Variants in VGLL3 observed in about 807,000 individuals in gnomAD.
The protein encoded by VGLL3 is transcription cofactor vestigial-like protein 3.
VGLL3 carries 18 observed loss-of-function variants against 29.2 expected under a neutral mutation model. That is an observed-to-expected ratio of 0.62 (90% CI 0.43 to 0.91). The LOEUF (loss-of-function observed/expected upper bound fraction) is 0.91. Among genes scored for constraint, VGLL3 ranks in the 40% least tolerant of loss-of-function variants. The probability of loss-of-function intolerance (pLI) is 0.00; values close to 1 mark genes in which losing one functional copy is unlikely to be tolerated. For missense variants in VGLL3, 440 were observed against 413.2 expected, an observed-to-expected ratio of 1.06 and a Z score of -0.56; for synonymous variants, 180 against 151.8, an observed-to-expected ratio of 1.19 and a Z score of -1.36.
In VGLL3 at chr3:86,940,884, G is replaced by A. The variant is rs1424914447; in HGVS notation, c.*6140C>T. 1 of 152,178 alleles carries A rather than the reference G, an allele frequency of 6.6e-6. No individual in the cohort carries two copies. Among genetic ancestry groups the A allele is most frequent in the Non-Finnish European group, 1.5e-5 (1 of 67,860 alleles). 9.4% of individuals were successfully genotyped at this position (152,178 alleles called of 1,614,324 possible). A position where few individuals can be genotyped will look rare whatever the true frequency, so the allele number is the denominator to read the frequency against. On this transcript the variant is annotated 3_prime_UTR_variant, in exon 4 of 4. Coordinates refer to ENST00000398399, the MANE Select transcript of VGLL3 (RefSeq NM_016206.4). ...TAGTTAAAAATGACAGCATAACTAA[G>A]GTTAATTTTTATTTCTGGAAACACA...
intron 2 of VGLL3, among the ~76,000 whole-genome samples, chr3:86,972,488 G>GA (rs1435437795): frequency 6.6e-6 from 1 of 151,846 alleles, no homozygotes; most frequent in Non-Finnish European, 1.5e-5. Flanking sequence ...GCTTGTTTAA[G>GA]AAAAAAAAGT....
At chr3:86,988,393 A>G (rs13066793) in intron 1 of VGLL3, among the ~76,000 whole-genome samples, 10,879 of 151,808 alleles carry the variant, frequency 0.072, 462 homozygotes, top group Non-Finnish European at 0.091. Context: ...TGCAAAAACA[A>G]CCAAAATATG....
chr3:86,946,949 G>C lies in VGLL3; in HGVS notation c.*75C>G, dbSNP rs1704520255. The stretch of plus-strand genomic sequence containing the variant: ...GCCTTTCGTGTCCTATTGCTGAATG[G>C]AAAAACCCGACAGTATCTTTTCCCA... On this transcript the variant is annotated 3_prime_UTR_variant, in exon 4 of 4. Transcript: ENST00000398399. The C allele has an allele frequency of 3.9e-6, 3 of 766,168 alleles. No homozygotes were observed. The highest frequency in any genetic ancestry group is 1.7e-5 in the African/African-American group (1 of 58,710). The allele number at this position is 766,168 out of a possible 1,614,324, so 47.5% of individuals were successfully genotyped here. A position where few individuals can be genotyped will look rare whatever the true frequency, so the allele number is the denominator to read the frequency against.
rs1028945429 is a variant in VGLL3, at chr3:86,946,395, G to T, written c.*629C>A. On this transcript the variant is annotated 3_prime_UTR_variant, in exon 4 of 4. Coordinates refer to ENST00000398399, the MANE Select transcript of VGLL3 (RefSeq NM_016206.4). ...ACAATACTGCATTGGTTTGACTACG[G>T]TATAGCTACTTTTGTAAGAAGGAAA... 7.2e-5 allele frequency: 11 copies of T among 152,050 alleles called. No homozygotes were observed. Among genetic ancestry groups the T allele is most frequent in the African/African-American group, 2.4e-4 (10 of 41,400 alleles). 9.4% of individuals were successfully genotyped at this position (152,050 alleles called of 1,614,324 possible).
intron 1 of VGLL3, among the ~76,000 whole-genome samples, chr3:86,986,469 G>A (rs1705443525): frequency 1.3e-5 from 2 of 152,108 alleles, no homozygotes; most frequent in African/African-American, 2.4e-5. Flanking sequence ...AAGTTATAGG[G>A]AGCATGAAGC....
At chr3:86,988,089 A>G (rs1705489988) in intron 1 of VGLL3, among the ~76,000 whole-genome samples, 1 of 152,216 alleles carries the variant, frequency 6.6e-6, no homozygotes. Flanking sequence ...TCAGAGCCAT[A>G]CAGTTTGAGG....
rs73844437 is a variant in VGLL3 at position 86,981,300 on chromosome 3, T to C, written c.127-2498A>G. Among the ~76,000 whole-genome samples the C allele has an allele frequency of 6.2e-3, 941 of 152,184 alleles. 16 individuals are homozygous for C. The highest frequency in any genetic ancestry group is 0.022 in the African/African-American group (909 of 41,568). On this transcript the variant is annotated intron_variant, in intron 1 of 3. Transcript: ENST00000398399. ...AAGATTTCACAGTTTTCTAAATGCT[T>C]CATAATATTGTGTTACTTTTCCTAC...
intron 3 of VGLL3, among the ~76,000 whole-genome samples, chr3:86,954,207 G>T (rs1162488010): frequency 6.6e-6 from 1 of 152,176 alleles, no homozygotes; most frequent in Non-Finnish European, 1.5e-5. Flanking sequence ...AAATAGGGCA[G>T]AAATGTAAAA....
chr3:86,971,791 T>G (rs1705107362), intron 2 of VGLL3, among the ~76,000 whole-genome samples: 1 of 152,214 alleles, frequency 6.6e-6, no homozygotes. Flanking sequence ...GTTTAAAGCT[T>G]AAAACCCATA....
rs1476948836 is a variant in VGLL3, at chr3:86,990,809, G to T, written c.-66C>A. 4 of 1,216,014 alleles carry T rather than the reference G, an allele frequency of 3.3e-6. No homozygotes were observed. The highest frequency in any genetic ancestry group is 1.6e-5 in the African/African-American group (1 of 62,930). 75.3% of individuals were successfully genotyped at this position (1,216,014 alleles called of 1,614,324 possible). A position where few individuals can be genotyped will look rare whatever the true frequency, so the allele number is the denominator to read the frequency against. Reference sequence around the variant, plus strand: ...CTCTACGCGCTGGCGCGAGGGGCGCGGGCGCCGCCGCCGCCGCAGCTGCCG... The same window carrying T: ...CTCTACGCGCTGGCGCGAGGGGCGCTGGCGCCGCCGCCGCCGCAGCTGCCG... On this transcript the variant is annotated 5_prime_UTR_variant, in exon 1 of 4. Coordinates refer to ENST00000398399, the MANE Select transcript of VGLL3 (RefSeq NM_016206.4).
chr3:86,948,256 T>A (rs1704545428), intron 3 of VGLL3, among the ~76,000 whole-genome samples: 1 of 152,026 alleles, frequency 6.6e-6, no homozygotes, highest in Non-Finnish European at 1.5e-5. Flanking sequence ...GTTGTGTGGG[T>A]GCAAGGATCT....
Position 86,990,827 on chromosome 3 carries a change from AGCT to A in VGLL3, c.-87_-85del. On this transcript the variant is annotated 5_prime_UTR_variant, in exon 1 of 4. Coordinates refer to ENST00000398399, the MANE Select transcript of VGLL3 (RefSeq NM_016206.4). ...GGGGCGCGGGCGCCGCCGCCGCCGC[AGCT>A]GCCGCCTCTGTCGCTGCTCCAGCTG... The A allele has an allele frequency of 8.4e-7, 1 of 1,190,422 alleles. No individual in the cohort carries two copies. The highest frequency in any genetic ancestry group is 1.0e-6 in the Non-Finnish European group (1 of 954,402). The allele number at this position is 1,190,422 out of a possible 1,614,324, so 73.7% of individuals were successfully genotyped here. A position where few individuals can be genotyped will look rare whatever the true frequency, so the allele number is the denominator to read the frequency against.
chr3:86,943,080 A>C lies in VGLL3; in HGVS notation c.*3944T>G, dbSNP rs1274104726. Reference sequence around the variant, plus strand: ...TGCCTGTTAGGTATTATTCCATTTTACTCATGAGATAAATAAATGAAGCCC... The same window carrying C: ...TGCCTGTTAGGTATTATTCCATTTTCCTCATGAGATAAATAAATGAAGCCC... On this transcript the variant is annotated 3_prime_UTR_variant, in exon 4 of 4. Transcript: ENST00000398399. 1 of 151,768 alleles carries C rather than the reference A, an allele frequency of 6.6e-6. No individual in the cohort carries two copies. The highest frequency in any genetic ancestry group is 1.5e-5 in the Non-Finnish European group (1 of 67,958). 9.4% of individuals were successfully genotyped at this position (151,768 alleles called of 1,614,324 possible). A position where few individuals can be genotyped will look rare whatever the true frequency, so the allele number is the denominator to read the frequency against.
At chr3:86,949,643 G>A (rs1704574631) in intron 3 of VGLL3, among the ~76,000 whole-genome samples, 4 of 151,774 alleles carry the variant, frequency 2.6e-5, no homozygotes, top group East Asian at 2.0e-4. Flanking sequence ...TGGCTAACAC[G>A]GTGAAACCCT....
chr3:86,983,415 A>G (rs1344178943), intron 1 of VGLL3, among the ~76,000 whole-genome samples: 4 of 152,052 alleles, frequency 2.6e-5, no homozygotes, highest in Non-Finnish European at 5.9e-5. Context: ...TCTCATTTGC[A>G]CTCATTGCAC....
chr3:86,945,685 T>G lies in VGLL3; in HGVS notation c.*1339A>C, dbSNP rs1271330501. On this transcript the variant is annotated 3_prime_UTR_variant, in exon 4 of 4. Coordinates refer to ENST00000398399, the MANE Select transcript of VGLL3 (RefSeq NM_016206.4). Reference sequence around the variant, plus strand: ...TTTTAATTTTTAGCCCAATTTAAATTGTATATAACCTCTGGTTTTATTTTT... The same window carrying G: ...TTTTAATTTTTAGCCCAATTTAAATGGTATATAACCTCTGGTTTTATTTTT... 1 of 152,214 alleles carries G rather than the reference T, an allele frequency of 6.6e-6. No homozygotes were observed. Among genetic ancestry groups the G allele is most frequent in the Non-Finnish European group, 1.5e-5 (1 of 68,024 alleles). The allele number at this position is 152,214 out of a possible 1,614,324, so 9.4% of individuals were successfully genotyped here.
intron 3 of VGLL3, among the ~76,000 whole-genome samples, chr3:86,949,996 T>A (rs931476587): frequency 1.3e-5 from 2 of 152,164 alleles, no homozygotes; most frequent in Non-Finnish European, 2.9e-5. Flanking sequence ...ATGAATCTTA[T>A]GTGGTCTACA....
At position 86,941,864 on chromosome 3, in the gene VGLL3, T is replaced by C. The variant is rs965447289; in HGVS notation, c.*5160A>G. On this transcript the variant is annotated 3_prime_UTR_variant, in exon 4 of 4. Transcript: ENST00000398399. ...ACCAATCTCCATGACCAAGTTACCA[T>C]GAAAAGTAACATTTTGAAGTTATTG... The C allele has an allele frequency of 1.3e-5, 2 of 152,096 alleles. No individual in the cohort carries two copies. The highest frequency in any genetic ancestry group is 4.8e-5 in the African/African-American group (2 of 41,448). 9.4% of individuals were successfully genotyped at this position (152,096 alleles called of 1,614,324 possible). A position where few individuals can be genotyped will look rare whatever the true frequency, so the allele number is the denominator to read the frequency against.
chr3:86,952,090 T>C (rs1704629258), intron 3 of VGLL3, among the ~76,000 whole-genome samples: 1 of 152,110 alleles, frequency 6.6e-6, no homozygotes, highest in African/African-American at 2.4e-5. Flanking sequence ...AGTTTTTAAC[T>C]TGGACGTGAA....
Sources: gnomAD v4.1 joint callset for allele counts (sites outside exome capture counted in the v4.1 genomes callset) on GRCh38, gnomAD v4.1.1 for gene constraint, MANE v1.5 for transcripts, NCBI Gene and HGNC (gene_info 2026-07-23, HGNC 2026-07-21) for gene names.